GOLGA5: variants seen among roughly 807,000 people sequenced by gnomAD.
GOLGA5 encodes the protein golgin A5.
A neutral mutation model predicts 93.5 loss-of-function variants in GOLGA5; 50 were observed. The ratio of observed to expected loss-of-function variants is 0.53; its 90% confidence interval spans 0.43 to 0.68. The LOEUF (loss-of-function observed/expected upper bound fraction) is 0.68. GOLGA5 is among the 30% of genes least tolerant of loss of function. The pLI is 0.00. For missense variants in GOLGA5, 760 were observed against 856.4 expected (o/e 0.89, Z 1.40); for synonymous variants, 312 against 304.5 (o/e 1.02, Z -0.26).
intron 6 of GOLGA5, among the ~76,000 whole-genome samples, chr14:92,815,246 T>G (rs1414105020): frequency 6.6e-6 from 1 of 152,256 alleles, no homozygotes; most frequent in African/African-American, 2.4e-5. Flanking sequence ...TGTTTTTCTC[T>G]GCACTTTAAA....
At chr14:92,813,391 T>G (rs1449497340) in intron 6 of GOLGA5, among the ~76,000 whole-genome samples, 1 of 152,176 alleles carries the variant, frequency 6.6e-6, no homozygotes, top group Non-Finnish European at 1.5e-5. Flanking sequence ...GAGAGAAGAA[T>G]CCCTTAAAAC....
chr14:92,813,392 C>A (rs1885142042), intron 6 of GOLGA5, among the ~76,000 whole-genome samples: 3 of 152,110 alleles, frequency 2.0e-5, no homozygotes, highest in East Asian at 1.9e-4. Context: ...AGAGAAGAAT[C>A]CCTTAAAACT....
chr14:92,821,655 G>A (rs1312418043), intron 8 of GOLGA5, among the ~76,000 whole-genome samples: 3 of 151,832 alleles, frequency 2.0e-5, no homozygotes, highest in Admixed American at 6.6e-5. Flanking sequence ...CTTTAAAGAC[G>A]TTTTTCATTA....
intron 9 of GOLGA5, among the ~76,000 whole-genome samples, chr14:92,832,659 A>G (rs1885554274): frequency 6.6e-6 from 1 of 152,244 alleles, no homozygotes; most frequent in African/African-American, 2.4e-5. Context: ...TGAAAACCTC[A>G]GAGTGTGATC....
At chr14:92,814,029 C>T (rs1370791048) in intron 6 of GOLGA5, among the ~76,000 whole-genome samples, 2 of 151,664 alleles carry the variant, frequency 1.3e-5, no homozygotes, top group East Asian at 3.9e-4. Flanking sequence ...AAAGGGGAAA[C>T]AGGAAAGAGA....
chr14:92,829,396 G>A (rs1442681634), intron 9 of GOLGA5, among the ~76,000 whole-genome samples: 1 of 152,132 alleles, frequency 6.6e-6, no homozygotes, highest in Non-Finnish European at 1.5e-5. Flanking sequence ...GAACATTTGT[G>A]ATTCATGGGA....
intron 2 of GOLGA5, among the ~76,000 whole-genome samples, chr14:92,803,318 A>G (rs889344205): frequency 1.3e-5 from 2 of 152,246 alleles, no homozygotes; most frequent in African/African-American, 4.8e-5. Context: ...TACAGGCATG[A>G]GCCACCACAC....
intron 1 of GOLGA5, among the ~76,000 whole-genome samples, chr14:92,796,617 A>G (rs1028069383): frequency 1.3e-5 from 2 of 152,040 alleles, no homozygotes; most frequent in Admixed American, 1.3e-4. Context: ...GGGGGTTAGG[A>G]CTTAAATAAA....
rs1410980993 is a variant in GOLGA5, at chr14:92,839,904, G to A, written c.*458G>A. ...TTTGTACATGTTACAGGCTTGATTG[G>A]TGTAAATCTTTTTATAAATACATAA... On this transcript the variant is annotated 3_prime_UTR_variant, in exon 13 of 13. Transcript: ENST00000163416. The A allele has an allele frequency of 1.1e-5, 2 of 177,962 alleles. No individual in the cohort carries two copies. Among genetic ancestry groups the A allele is most frequent in the African/African-American group, 4.7e-5 (2 of 42,418 alleles). The allele number at this position is 177,962 out of a possible 1,614,324, so 11.0% of individuals were successfully genotyped here.
intron 2 of GOLGA5, among the ~76,000 whole-genome samples, chr14:92,798,197 A>G (rs1345111740): frequency 6.6e-6 from 1 of 152,334 alleles, no homozygotes; most frequent in South Asian, 2.1e-4. Flanking sequence ...CTGGAGGGCA[A>G]CTTCACCCAC....
chr14:92,834,791 C>T (rs1237400853), intron 10 of GOLGA5, among the ~76,000 whole-genome samples: 1 of 152,120 alleles, frequency 6.6e-6, no homozygotes, highest in African/African-American at 2.4e-5. Context: ...ACTGCCATGT[C>T]AAGAATAGAC....
At chr14:92,815,066 C>T (rs1885175861) in intron 6 of GOLGA5, among the ~76,000 whole-genome samples, 1 of 152,210 alleles carries the variant, frequency 6.6e-6, no homozygotes, top group Non-Finnish European at 1.5e-5. Flanking sequence ...AGTCATGTCA[C>T]TCCTCTCTCT....
At chr14:92,802,196 AT>A (rs1358053605) in intron 2 of GOLGA5, among the ~76,000 whole-genome samples, 3 of 152,216 alleles carry the variant, frequency 2.0e-5, no homozygotes, top group South Asian at 2.1e-4. Context: ...AGTGTCTTTC[AT>A]TAAAATTTTA....
chr14:92,796,445 G>A (rs1034116574), intron 1 of GOLGA5, among the ~76,000 whole-genome samples: 2 of 152,184 alleles, frequency 1.3e-5, no homozygotes, highest in African/African-American at 4.8e-5. Context: ...GCTTGCAGAT[G>A]TCTGCCTTCT....
intron 8 of GOLGA5, among the ~76,000 whole-genome samples, chr14:92,820,305 C>T (rs1008264925): frequency 2.6e-5 from 4 of 152,210 alleles, no homozygotes; most frequent in Non-Finnish European, 4.4e-5. Flanking sequence ...TGGATGTGCA[C>T]GTAGGCCAGA....
At position 92,824,569 on chromosome 14, in the gene GOLGA5, T is replaced by A; in HGVS notation, c.1644T>A (p.Asp548Glu). The A allele has an allele frequency of 6.3e-7, 1 of 1,599,010 alleles. No individual in the cohort carries two copies. The highest frequency in any genetic ancestry group is 8.6e-7 in the Non-Finnish European group (1 of 1,168,672). The change falls in exon 9 of 13, where the codon GAT becomes GAA. Residue 548 changes from aspartate to glutamate, a missense_variant. By Grantham distance (45) the Asp-to-Glu change is conservative. Transcript: ENST00000163416. ...LKQEFHYIEE[D>E]LYRTKNTLQS... The stretch of plus-strand genomic sequence containing the variant: ...AGGAGTTCCACTATATAGAAGAAGA[T>A]CTTTATCGAACAAAGAACACATTGC...
At chr14:92,823,762 A>C (rs1165468234) in intron 8 of GOLGA5, among the ~76,000 whole-genome samples, 1 of 152,066 alleles carries the variant, frequency 6.6e-6, no homozygotes, top group African/African-American at 2.4e-5. Flanking sequence ...GAATAACTTT[A>C]CATAGTTTTT....
At chr14:92,801,817 G>T (rs1343360555) in intron 2 of GOLGA5, among the ~76,000 whole-genome samples, 1 of 150,206 alleles carries the variant, frequency 6.7e-6, no homozygotes, top group Non-Finnish European at 1.5e-5. Context: ...CCAATTTGCA[G>T]TACCACCTGT....
intron 2 of GOLGA5, among the ~76,000 whole-genome samples, chr14:92,804,674 T>G (rs1884944853): frequency 1.5e-5 from 2 of 130,462 alleles, no homozygotes; most frequent in Admixed American, 1.5e-4. Flanking sequence ...TTTTTTTTTT[T>G]GAGACAGGGT....
Sources: allele counts gnomAD v4.1 joint callset (sites outside exome capture counted in the v4.1 genomes callset), GRCh38; gene constraint gnomAD v4.1.1; transcripts MANE v1.5; gene names NCBI Gene and HGNC (gene_info 2026-07-23, HGNC 2026-07-21).